The following PRRC2B variants were observed in gnomAD, a reference collection of about 807,000 sequenced individuals.
PRRC2B encodes the protein proline rich coiled-coil 2B.
A neutral mutation model predicts 242.3 loss-of-function variants in PRRC2B; 68 were observed. The ratio of observed to expected loss-of-function variants is 0.28; its 90% CI spans 0.23 to 0.34. PRRC2B has a LOEUF of 0.34. Ranked by LOEUF, PRRC2B falls within the 10% of genes least tolerant of loss-of-function variation. PRRC2B has a pLI of 1.00. For missense variants in PRRC2B, 2,835 were observed against 2,954.8 expected (o/e 0.96, Z 0.94); for synonymous variants, 1,228 against 1,173.6 (o/e 1.05, Z -0.95).
Position 131,474,473 on chromosome 9 carries a change from G to C in PRRC2B, c.2344G>C (p.Ala782Pro). The C allele has an allele frequency of 2.5e-6, 4 of 1,609,316 alleles. No individual in the cohort carries two copies. Among genetic ancestry groups the C allele is most frequent in the Non-Finnish European group, 2.5e-6 (3 of 1,176,794 alleles). The change falls in exon 16 of 32, where the codon GCC becomes CCC. Residue 782 changes from alanine to proline, a missense_variant. Physicochemically the swap from Ala to Pro is conservative, Grantham distance 27. Around this residue, in one of 7 missense-constraint regions of PRRC2B, gnomAD observed 1,536 missense variants for 1,483.1 expected, o/e 1.04. Transcript: ENST00000683519. ...MRVRNESSFS[A>P]SLGRAGGVSA... ...TTTCAGGAATGAAAGCTCTTTCTCT[G>C]CCTCACTCGGAAGGGCAGGGGGCGT... is the stretch of plus-strand genomic sequence containing the variant.
At chr9:131,470,755 A>G in intron 13 of PRRC2B, 33 bp from the exon 14 acceptor site, 1 of 1,593,356 alleles carries the variant, frequency 6.3e-7, no homozygotes, top group Non-Finnish European at 8.6e-7. Flanking sequence ...TGGCCGCACC[A>G]GCCTGACCAA....
At chr9:131,449,157 G>A (rs1838927534) in intron 9 of PRRC2B, among the ~76,000 whole-genome samples, 1 of 152,136 alleles carries the variant, frequency 6.6e-6, no homozygotes, top group South Asian at 2.1e-4. Flanking sequence ...ACTGTAATTT[G>A]TTTATTCATT....
In PRRC2B at chr9:131,418,638, C is replaced by T. The variant is rs1837721722; in HGVS notation, c.-51-11456C>T. Among the ~76,000 whole-genome samples, 3 of 152,176 alleles carry T rather than the reference C, an allele frequency of 2.0e-5. No homozygotes were observed. In the South Asian group the frequency reaches 6.2e-4, roughly 32 times the overall value. On this transcript the variant is annotated intron_variant, in intron 1 of 31. Transcript: ENST00000683519. ...TGACATCATTCCTACAGGGGAAAGG[C>T]TTTGGGTGTAAACAATGGCACTGCC...
chr9:131,435,162 G>A (rs1384942981), intron 3 of PRRC2B, among the ~76,000 whole-genome samples: 2 of 151,918 alleles, frequency 1.3e-5, no homozygotes, highest in African/African-American at 4.8e-5. Context: ...GCTGGGCGTG[G>A]TCGTGCACGC....
intron 5 of PRRC2B, 109 bp from the exon 6 acceptor site, chr9:131,444,076 C>A: frequency 7.6e-7 from 1 of 1,311,548 alleles, no homozygotes; most frequent in Non-Finnish European, 1.1e-6. Flanking sequence ...ACAAGACTCC[C>A]TTCAAAAGCC....
rs577781974 is a variant in PRRC2B, at chr9:131,476,295, G to A, written c.4166G>A (p.Arg1389Gln). The A allele has an allele frequency of 8.8e-6, 14 of 1,587,218 alleles. No homozygotes were observed. Among genetic ancestry groups the A allele is most frequent in the African/African-American group, 2.7e-5 (2 of 74,408 alleles). Residue 1389 changes from arginine to glutamine, a missense_variant, in exon 16 of 32, where the codon CGG becomes CAG. By Grantham distance (43) the Arg-to-Gln change is conservative. This residue lies in a region of PRRC2B where 1,536 missense variants were observed against 1,483.1 expected (regional missense o/e 1.04). Transcript: ENST00000683519. ...ESSDFSERRE[R>Q]REGPGSEPDS... ...AGCGACTTCAGCGAGCGGCGGGAGC[G>A]GCGGGAAGGCCCTGGGTCCGAGCCC...
At chr9:131,448,448 G>T (rs1164114201) in intron 9 of PRRC2B, among the ~76,000 whole-genome samples, 1 of 147,040 alleles carries the variant, frequency 6.8e-6, no homozygotes, top group Non-Finnish European at 1.5e-5. Flanking sequence ...GGAGGCTGAG[G>T]CAGGAGAATC....
intron 1 of PRRC2B, among the ~76,000 whole-genome samples, chr9:131,403,934 G>A (rs1189531248): frequency 6.6e-6 from 1 of 151,812 alleles, no homozygotes; most frequent in East Asian, 1.9e-4. Flanking sequence ...TTTATTTTCA[G>A]TAATACTTTT....
chr9:131,495,760 G>C lies in PRRC2B; in HGVS notation c.6576G>C (p.Glu2192Asp). The C allele has an allele frequency of 6.2e-7, 1 of 1,611,986 alleles. No homozygotes were observed. The highest frequency in any genetic ancestry group is 1.3e-5 in the African/African-American group (1 of 75,030). The part of the protein sequence containing the change: ...YVQQAKQRVD[E>D]KPSLGAVKLQ... ...CAAAGGCAAAACAACGAGTGGATGA[G>C]AAACCCAGCCTGGGAGCCGTGAAGC... Residue 2192 changes from glutamate to aspartate, a missense_variant, in exon 32 of 32, where the codon GAG becomes GAC. Coordinates refer to ENST00000683519, the MANE Select transcript of PRRC2B (RefSeq NM_013318.4).
chr9:131,436,013 T>C (rs1838356602), intron 3 of PRRC2B, among the ~76,000 whole-genome samples: 1 of 152,242 alleles, frequency 6.6e-6, no homozygotes, highest in Admixed American at 6.5e-5. Context: ...TGTATTTCTT[T>C]TATAAACTCA....
At chr9:131,461,569 G>A (rs1943242967) in intron 11 of PRRC2B, among the ~76,000 whole-genome samples, 1 of 152,214 alleles carries the variant, frequency 6.6e-6, no homozygotes, top group Admixed American at 6.5e-5. Context: ...TGGAGATGGA[G>A]TCTCACTCTG....
chr9:131,483,314 C>T (rs899640483), intron 22 of PRRC2B, 45 bp from the exon 23 acceptor site: 3 of 1,553,588 alleles, frequency 1.9e-6, no homozygotes, highest in Non-Finnish European at 2.7e-6. Context: ...GAATGTAGGG[C>T]CAGGAGGATC....
intron 1 of PRRC2B, among the ~76,000 whole-genome samples, chr9:131,415,786 C>G (rs1224057855): frequency 1.3e-5 from 2 of 152,142 alleles, no homozygotes; most frequent in Non-Finnish European, 1.5e-5. Context: ...CTTTTAGATT[C>G]TCAAACTGTA....
At chr9:131,424,858 G>A (rs1433501442) in intron 1 of PRRC2B, among the ~76,000 whole-genome samples, 1 of 152,216 alleles carries the variant, frequency 6.6e-6, no homozygotes, top group East Asian at 1.9e-4. Context: ...GTTAATATTT[G>A]TTGGGTGGTT....
chr9:131,472,840 C>A (rs1259800232), intron 14 of PRRC2B, among the ~76,000 whole-genome samples: 2 of 152,160 alleles, frequency 1.3e-5, no homozygotes, highest in Non-Finnish European at 2.9e-5. Context: ...CATTCTTATT[C>A]TTCTCTTTCT....
At chr9:131,493,127 C>G (rs1213002930) in intron 30 of PRRC2B, among the ~76,000 whole-genome samples, 3 of 105,972 alleles carry the variant, frequency 2.8e-5, no homozygotes, top group Non-Finnish European at 6.1e-5. Context: ...CCAGCTGCAC[C>G]CCCTCTGCCT....
chr9:131,384,844 C>T (rs1244495905), intron 1 of PRRC2B, among the ~76,000 whole-genome samples: 3 of 151,972 alleles, frequency 2.0e-5, no homozygotes, highest in South Asian at 2.1e-4. Context: ...TGTGAGCCAC[C>T]GCGCCTGGTC....
intron 6 of PRRC2B, 96 bp downstream of exon 6, chr9:131,444,424 C>G (rs1838718024): frequency 1.5e-6 from 2 of 1,347,538 alleles, no homozygotes; most frequent in Non-Finnish European, 1.0e-6. Flanking sequence ...CCACTGGGGT[C>G]TCCGGTTCGA....
chr9:131,430,041 CTTTTTTTTTTTTCTCTCTCT>C (rs1449039022), intron 1 of PRRC2B, 33 bp from the exon 2 acceptor site: 38 of 459,902 alleles, frequency 8.3e-5, no homozygotes, highest in Non-Finnish European at 1.2e-4. Flanking sequence ...TAGTGACACT[CTTTTTTTTTTTTCTCTCTCT>C]TTTTTTTTTT....
Sources: allele counts gnomAD v4.1 joint callset (sites outside exome capture counted in the v4.1 genomes callset), GRCh38; gene constraint gnomAD v4.1.1; regional missense constraint gnomAD v4.1.1; transcripts MANE v1.5; gene names NCBI Gene and HGNC (gene_info 2026-07-23, HGNC 2026-07-21).